The following IL31RA variants were observed in gnomAD, a reference collection of about 807,000 sequenced individuals.
The protein encoded by IL31RA is interleukin 31 receptor A.
IL31RA carries 66 observed loss-of-function variants against 83.7 expected under a neutral mutation model. The ratio of observed to expected loss-of-function variants is 0.79; its 90% CI spans 0.65 to 0.97. The LOEUF is 0.97. Among genes scored for constraint, IL31RA ranks in the 50% least tolerant of loss-of-function variants. IL31RA has a pLI of 0.00. For missense variants in IL31RA, 798 were observed against 919.4 expected (o/e 0.87, Z 1.71); for synonymous variants, 325 against 329.0 (o/e 0.99, Z 0.13).
chr5:55,875,379 C>A (rs1322225666), intron 4 of IL31RA, among the ~76,000 whole-genome samples: 5 of 152,088 alleles, frequency 3.3e-5, no homozygotes, highest in African/African-American at 1.2e-4. Context: ...ATAGAATGAG[C>A]TGGTAAGTGT....
chr5:55,867,279 A>ATG (rs796392593), intron 2 of IL31RA, among the ~76,000 whole-genome samples: 1 of 14,194 alleles, frequency 7.0e-5, no homozygotes, highest in Non-Finnish European at 1.5e-4. Context: ...GTGTGTGTGC[A>ATG]TGTGTGTGTG....
rs772539321 is a variant in IL31RA, at chr5:55,859,611, TG to T, written c.154+15del. 4 of 1,564,992 alleles carry T rather than the reference TG, an allele frequency of 2.6e-6. No individual in the cohort carries two copies. The highest frequency in any genetic ancestry group is 3.5e-6 in the Non-Finnish European group (4 of 1,135,074). Reference sequence around the variant, plus strand: ...ATTCAGCCTGGCAGGTAGGTTGACCTGGGCCCTTTTACAGATCATGTGATTA... The same window carrying T: ...ATTCAGCCTGGCAGGTAGGTTGACCTGGCCCTTTTACAGATCATGTGATTA... On this transcript the variant is annotated intron_variant, in intron 2 of 14. Coordinates refer to ENST00000652347, the MANE Select transcript of IL31RA (RefSeq NM_139017.7).
intron 9 of IL31RA, 142 bp from the exon 10 acceptor site, chr5:55,907,217 C>A (rs998216728): frequency 1.5e-6 from 1 of 657,002 alleles, no homozygotes; most frequent in Admixed American, 2.2e-5. Flanking sequence ...GACCATTCAA[C>A]CTAACCTGTT....
intron 2 of IL31RA, among the ~76,000 whole-genome samples, chr5:55,861,907 C>T (rs1248510765): frequency 6.6e-6 from 1 of 152,206 alleles, no homozygotes; most frequent in African/African-American, 2.4e-5. Context: ...TTTCAAAACA[C>T]TGACTTTGCA....
chr5:55,846,676 A>T (rs1412494172), upstream of IL31RA, among the ~76,000 whole-genome samples: 1 of 152,098 alleles, frequency 6.6e-6, no homozygotes, highest in Non-Finnish European at 1.5e-5. Context: ...GTGCGCCTGT[A>T]ATCTCAGCTA....
At chr5:55,887,703 G>A (rs1375972515) in intron 5 of IL31RA, among the ~76,000 whole-genome samples, 1 of 152,098 alleles carries the variant, frequency 6.6e-6, no homozygotes, top group Non-Finnish European at 1.5e-5. Flanking sequence ...TGGCCAACAC[G>A]GTGAAACCCC....
At chr5:55,848,058 G>A (rs1580634228), upstream of IL31RA, among the ~76,000 whole-genome samples, 1 of 152,004 alleles carries the variant, frequency 6.6e-6, no homozygotes, top group Non-Finnish European at 1.5e-5. Flanking sequence ...TAACATCACT[G>A]GTGATGCTAA....
intron 4 of IL31RA, among the ~76,000 whole-genome samples, chr5:55,872,663 T>C (rs909831801): frequency 6.6e-6 from 1 of 151,286 alleles, no homozygotes; most frequent in African/African-American, 2.4e-5. Flanking sequence ...ATTCACCAAA[T>C]GGGAAAAAAG....
intron 1 of IL31RA, chr5:55,853,482 A>G (rs1454083193): frequency 7.1e-6 from 11 of 1,550,006 alleles, no homozygotes; most frequent in African/African-American, 4.1e-5. Flanking sequence ...TCCTGTCCTG[A>G]CTTGTGCTGT....
chr5:55,877,363 TAAA>T (rs1361239114), intron 4 of IL31RA, among the ~76,000 whole-genome samples: 1 of 152,188 alleles, frequency 6.6e-6, no homozygotes, highest in Non-Finnish European at 1.5e-5. Flanking sequence ...CTTTGGAAAA[TAAA>T]AAGAGGAATT....
intron 1 of IL31RA, among the ~76,000 whole-genome samples, chr5:55,855,606 C>T (rs1038062544): frequency 1.3e-5 from 2 of 152,116 alleles, no homozygotes; most frequent in African/African-American, 4.8e-5. Flanking sequence ...CCAAAGAGCA[C>T]CCTGTGAAGT....
At chr5:55,851,268 T>C (rs1321111696), upstream of IL31RA, 1 of 462,586 alleles carries the variant, frequency 2.2e-6, no homozygotes, top group African/African-American at 2.0e-5. Context: ...ACATTGTTGA[T>C]TCATCAACAT....
chr5:55,863,606 T>C (rs958475260), intron 2 of IL31RA, among the ~76,000 whole-genome samples: 15 of 152,242 alleles, frequency 9.9e-5, no homozygotes, highest in Non-Finnish European at 1.8e-4. Flanking sequence ...TTGGTGAGCA[T>C]TCATTTTATC....
upstream of IL31RA, among the ~76,000 whole-genome samples, chr5:55,846,692 G>A (rs959523764): frequency 2.6e-5 from 4 of 152,110 alleles, no homozygotes; most frequent in Admixed American, 2.6e-4. Flanking sequence ...AGCTACTTGG[G>A]AGGCTGAAAC....
At chr5:55,911,645 A>G (rs1749508079) in intron 12 of IL31RA, among the ~76,000 whole-genome samples, 1 of 152,240 alleles carries the variant, frequency 6.6e-6, no homozygotes, top group South Asian at 2.1e-4. Flanking sequence ...AGAGGCAGGC[A>G]GATGGAATGA....
rs550633266 is a variant in IL31RA at position 55,854,466 on chromosome 5, C to T, written c.63+2833C>T. On this transcript the variant is annotated intron_variant, in intron 1 of 14. Transcript: ENST00000652347. Reference sequence around the variant, plus strand: ...GAAATAAAATTTAAAATATGCAGGCCGGGCAAAGTGGCTCACACCTGTAAT... The same window carrying T: ...GAAATAAAATTTAAAATATGCAGGCTGGGCAAAGTGGCTCACACCTGTAAT... Among the ~76,000 whole-genome samples, 14 of 152,042 alleles carry T rather than the reference C, an allele frequency of 9.2e-5. No individual in the cohort carries two copies. The East Asian group carries it at 1.9e-3, about 21-fold the overall frequency.
intron 4 of IL31RA, among the ~76,000 whole-genome samples, chr5:55,879,977 C>T (rs1207128398): frequency 6.6e-6 from 1 of 152,070 alleles, no homozygotes; most frequent in Admixed American, 6.6e-5. Context: ...TGAACAAGGG[C>T]AGAAACTTTG....
intron 5 of IL31RA, among the ~76,000 whole-genome samples, chr5:55,889,602 T>C (rs527694111): frequency 1.3e-3 from 202 of 152,340 alleles, no homozygotes; most frequent in African/African-American, 4.4e-3. Flanking sequence ...CATGAGGCAG[T>C]ATCTCTAGGT....
chr5:55,859,511 C>G lies in IL31RA; in HGVS notation c.66C>G (p.Leu22=). Residue 22 remains leucine (L), a splice_region_variant and synonymous_variant, in exon 2 of 15, where the codon CTC becomes CTG. Transcript: ENST00000652347. ...CTCTTGACTGATGTCATTTTCAGCT[C>G]TCTCCCCAGCCTTCATGTGTTAACC... ...ACVCECPQNI[L]SPQPSCVNLG... is the part of the protein sequence containing the mutation. 1 of 1,612,976 alleles carries G rather than the reference C, an allele frequency of 6.2e-7. No homozygotes were observed. Among genetic ancestry groups the G allele is most frequent in the Non-Finnish European group, 8.5e-7 (1 of 1,178,944 alleles).
Sources: gnomAD v4.1 joint callset for allele counts (sites outside exome capture counted in the v4.1 genomes callset) on GRCh38, gnomAD v4.1.1 for gene constraint, MANE v1.5 for transcripts, NCBI Gene and HGNC (gene_info 2026-07-23, HGNC 2026-07-21) for gene names.